The following CLN3 variants were observed in gnomAD, a reference collection of about 807,000 sequenced individuals.
CLN3 encodes the protein battenin.
In CLN3, 49 loss-of-function variants were observed where a neutral mutation model predicts 60.7. That is an observed-to-expected ratio of 0.81 (90% CI 0.64 to 1.02). The LOEUF is 1.02. CLN3 is among the 50% of genes least tolerant of loss of function. The pLI, the probability that CLN3 is intolerant of heterozygous loss-of-function variation, is 0.00. For synonymous variants in CLN3, 256 were observed against 245.8 expected (o/e 1.04, Z -0.39); for missense variants, 516 against 557.4 (o/e 0.93, Z 0.75).
rs982705395 is a variant in CLN3, at chr16:28,478,014, C to G, written c.1057-137G>C. ...GCCAGGTCTAGATAAAATCTCAACA[C>G]CAGCCCGGTGTGGTGGCTCACACCT... On this transcript the variant is annotated intron_variant, in intron 14 of 15. Coordinates refer to ENST00000636147, the MANE Select transcript of CLN3 (RefSeq NM_001042432.2). The G allele has an allele frequency of 2.4e-5, 24 of 989,180 alleles. No homozygotes were observed. In the Admixed American group the frequency reaches 4.5e-4, roughly 18 times the overall value. The allele number at this position is 989,180 out of a possible 1,614,324, so 61.3% of individuals were successfully genotyped here. A position where few individuals can be genotyped will look rare whatever the true frequency, so the allele number is the denominator to read the frequency against.
intron 10 of CLN3, among the ~76,000 whole-genome samples, chr16:28,483,660 T>A (rs2049914712): frequency 6.6e-6 from 1 of 151,364 alleles, no homozygotes; most frequent in African/African-American, 2.4e-5. Context: ...TGGCACATGG[T>A]AAGTACTCAA....
Position 28,482,625 on chromosome 16 carries a change from C to A in CLN3, c.837+1G>T. ...GGACATACCCCAGCCATCATCCGAA[C>A]CTTGAACACTGTCCACCTTTCCCGA... On this transcript the variant is annotated splice_donor_variant, in intron 11 of 15. Transcript: ENST00000636147. LOFTEE classifies it high-confidence loss of function. 1.2e-6 allele frequency: 2 copies of A among 1,614,202 alleles called. No individual in the cohort carries two copies. Among genetic ancestry groups the A allele is most frequent in the Non-Finnish European group, 1.7e-6 (2 of 1,180,040 alleles).
In CLN3 at chr16:28,482,081, A is replaced by C. The variant is rs781448966; in HGVS notation, c.1056+24T>G. The C allele has an allele frequency of 3.8e-6, 6 of 1,590,132 alleles. No homozygotes were observed. The East Asian group carries it at 9.0e-5, about 24-fold the overall frequency. ...CAAGCTGGGAGCCAAGGTGGGAGTG[A>C]AGTGAGGGGCAGGGGTTTGGTACCT... On this transcript the variant is annotated intron_variant, in intron 14 of 15. Coordinates refer to ENST00000636147, the MANE Select transcript of CLN3 (RefSeq NM_001042432.2).
At chr16:28,487,260 A>G (rs2046235121) in intron 7 of CLN3, 196 bp downstream of exon 7, 5 of 650,580 alleles carry the variant, frequency 7.7e-6, no homozygotes, top group Non-Finnish European at 5.6e-6. Context: ...TAATTCATCC[A>G]TTTTCTCCCA....
At chr16:28,490,346 A>T (rs2046292847) in intron 3 of CLN3, 1 of 151,616 alleles carries the variant, frequency 6.6e-6, no homozygotes, top group African/African-American at 2.4e-5. Flanking sequence ...CGGGGAGCTG[A>T]GACAGGAGAA....
Position 28,491,859 on chromosome 16 carries a change from C to T in CLN3, c.-76-24G>A, listed in dbSNP as rs2046320846. 6.2e-6 allele frequency: 9 copies of T among 1,450,200 alleles called. 1 individual carries two copies. In the Middle Eastern group the frequency reaches 7.2e-4, roughly 116 times the overall value. 89.8% of individuals were successfully genotyped at this position (1,450,200 alleles called of 1,614,324 possible). A position where few individuals can be genotyped will look rare whatever the true frequency, so the allele number is the denominator to read the frequency against. On this transcript the variant is annotated intron_variant, in intron 1 of 15. Coordinates refer to ENST00000636147, the MANE Select transcript of CLN3 (RefSeq NM_001042432.2). The stretch of plus-strand genomic sequence containing the variant: ...GTCTGCGACAGGTGACAAGGATCAA[C>T]GCCCGATTGCCGGTCCCAGCTCCGG...
chr16:28,483,590 G>A (rs1277059621), intron 10 of CLN3, among the ~76,000 whole-genome samples: 1 of 151,882 alleles, frequency 6.6e-6, no homozygotes, highest in Non-Finnish European at 1.5e-5. Flanking sequence ...CCATTCTCTG[G>A]TTCTAGAACA....
rs373447769 is a variant in CLN3 at position 28,486,700 on chromosome 16, G to A, written c.461-50C>T. 78 of 1,536,110 alleles carry A rather than the reference G, an allele frequency of 5.1e-5. No homozygotes were observed. The African/African-American group carries it at 9.7e-4, about 19-fold the overall frequency. On this transcript the variant is annotated intron_variant, in intron 7 of 15. Coordinates refer to ENST00000636147, the MANE Select transcript of CLN3 (RefSeq NM_001042432.2). ...TGGTCACACCACACCTTGCCACACT[G>A]CCCAGGCCTCTAATGTGTCTGGCCA...
At chr16:28,480,756 T>TACA (rs2046075964) in intron 14 of CLN3, among the ~76,000 whole-genome samples, 1 of 152,186 alleles carries the variant, frequency 6.6e-6, no homozygotes, top group Admixed American at 6.6e-5. Flanking sequence ...AGTTGACAGT[T>TACA]TATTGTAACA....
chr16:28,473,040 T>G (rs2141689012), downstream of CLN3, among the ~76,000 whole-genome samples: 1 of 152,148 alleles, frequency 6.6e-6, no homozygotes, highest in East Asian at 1.9e-4. Context: ...TAGGCTCAAG[T>G]GATCCTCCCA....
intron 10 of CLN3, 143 bp from the exon 11 acceptor site, chr16:28,482,815 T>C: frequency 2.2e-6 from 2 of 904,922 alleles, no homozygotes; most frequent in Non-Finnish European, 3.6e-6. Context: ...TTAAAAATGG[T>C]TAAAATGGCT....
At chr16:28,477,688 G>C in intron 15 of CLN3, 49 bp downstream of exon 15, 1 of 1,614,102 alleles carries the variant, frequency 6.2e-7, no homozygotes, top group Non-Finnish European at 8.5e-7. Flanking sequence ...TCCCTGCCCT[G>C]GGTGTCCCTG....
chr16:28,481,189 C>A (rs151303), intron 14 of CLN3, among the ~76,000 whole-genome samples: 47,485 of 151,834 alleles, frequency 0.31, 8,990 homozygotes, highest in Non-Finnish European at 0.41. Flanking sequence ...TTGGTTACTG[C>A]AGCCTTGACC....
chr16:28,488,003 G>T, intron 5 of CLN3: 1 of 460,724 alleles, frequency 2.2e-6, no homozygotes, highest in South Asian at 2.1e-5. Context: ...TGGCTTAAAT[G>T]AGCTAATATA....
At chr16:28,481,860 G>A (rs183032384) in intron 14 of CLN3, among the ~76,000 whole-genome samples, 5 of 151,986 alleles carry the variant, frequency 3.3e-5, no homozygotes, top group Non-Finnish European at 4.4e-5. Flanking sequence ...GGTGGCGGGC[G>A]CCTGTAATCC....
intron 7 of CLN3, 127 bp downstream of exon 7, chr16:28,487,329 G>T: frequency 1.3e-6 from 1 of 795,596 alleles, no homozygotes; most frequent in Non-Finnish European, 2.2e-6. Context: ...ACTGCTGATA[G>T]CCCTAGCAGG....
intron 7 of CLN3, chr16:28,487,197 C>A: frequency 1.8e-6 from 1 of 565,186 alleles, no homozygotes; most frequent in Admixed American, 2.9e-5. Context: ...AGGCATGAGT[C>A]ACTGTGCCTG....
At chr16:28,483,234 T>G (rs1190480411) in intron 10 of CLN3, among the ~76,000 whole-genome samples, 3 of 152,144 alleles carry the variant, frequency 2.0e-5, no homozygotes, top group Non-Finnish European at 4.4e-5. Context: ...ATTTTTTTTA[T>G]TTTTTGAGAC....
Position 28,485,178 on chromosome 16 carries a change from C to T in CLN3, c.678-1060G>A, listed in dbSNP as rs552152816. Among the ~76,000 whole-genome samples the T allele has an allele frequency of 6.7e-5, 10 of 148,810 alleles. No individual in the cohort carries two copies. In the South Asian group the frequency reaches 2.0e-3, roughly 29 times the overall value. On this transcript the variant is annotated intron_variant, in intron 9 of 15. Coordinates refer to ENST00000636147, the MANE Select transcript of CLN3 (RefSeq NM_001042432.2). Reference sequence around the variant, plus strand: ...CAGGCTGGTCTCAAACTCCTGACCTCGTGGTGCGCCCGCCTCGGCCTCCCA... The same window carrying T: ...CAGGCTGGTCTCAAACTCCTGACCTTGTGGTGCGCCCGCCTCGGCCTCCCA...
Sources: gnomAD v4.1 joint callset for allele counts (sites outside exome capture counted in the v4.1 genomes callset) on GRCh38, gnomAD v4.1.1 for gene constraint, MANE v1.5 for transcripts, NCBI Gene and HGNC (gene_info 2026-07-23, HGNC 2026-07-21) for gene names.